BRCA2: variants seen among roughly 807,000 people sequenced by gnomAD.
The protein encoded by BRCA2 is BRCA2 DNA repair associated.
BRCA2 carries 203 observed loss-of-function variants against 276.7 expected under a neutral mutation model. The ratio of observed to expected loss-of-function variants is 0.73; its 90% CI spans 0.65 to 0.82. The LOEUF is 0.82. BRCA2 is among the 40% of genes least tolerant of loss of function. The pLI is 0.00. For synonymous variants in BRCA2, 1,289 were observed against 1,338.4 expected (o/e 0.96, Z 0.81); for missense variants, 3,920 against 3,915.0 (o/e 1.00, Z -0.03).
rs767686668 is a variant in BRCA2 at position 32,336,806 on chromosome 13, G to T, written c.2451G>T (p.Lys817Asn). The change falls in exon 11 of 27, where the codon AAG becomes AAT. Residue 817 changes from lysine to asparagine, a missense_variant. Lys to Asn is a moderately conservative substitution (Grantham distance 94, BLOSUM62 0). Around this residue, in one of 2 missense-constraint regions of BRCA2, gnomAD observed 3,263 missense variants for 3,156.9 expected, o/e 1.03. Coordinates refer to ENST00000380152, the MANE Select transcript of BRCA2 (RefSeq NM_000059.4). ...TAACCAAAAATATTCCCATGGAAAA[G>T]AATCAAGATGTATGTGCTTTAAATG... ...VELTKNIPME[K>N]NQDVCALNEN... is the part of the protein sequence containing the mutation. 2.5e-6 allele frequency: 4 copies of T among 1,606,692 alleles called. No homozygotes were observed. Among genetic ancestry groups the T allele is most frequent in the South Asian group, 1.1e-5 (1 of 89,254 alleles).
chr13:32,367,771 G>C (rs2072794422), intron 18 of BRCA2, among the ~76,000 whole-genome samples: 1 of 151,944 alleles, frequency 6.6e-6, no homozygotes, highest in Non-Finnish European at 1.5e-5. Context: ...CTTCAGCCTG[G>C]GTGACAGAGC....
At chr13:32,382,950 G>A (rs1003313053) in intron 24 of BRCA2, among the ~76,000 whole-genome samples, 1 of 152,194 alleles carries the variant, frequency 6.6e-6, no homozygotes, top group African/African-American at 2.4e-5. Context: ...AGTAAAGTAC[G>A]TAGGTATAGA....
chr13:32,335,468 G>A (rs1468265234), intron 10 of BRCA2, among the ~76,000 whole-genome samples: 3 of 151,872 alleles, frequency 2.0e-5, no homozygotes, highest in East Asian at 1.9e-4. Flanking sequence ...TGCCTTTATC[G>A]TTGAGATTAG....
chr13:32,317,744 C>G (rs779872631), intron 2 of BRCA2, among the ~76,000 whole-genome samples: 2 of 152,066 alleles, frequency 1.3e-5, no homozygotes, highest in Non-Finnish European at 2.9e-5. Context: ...TTTGAAAGTT[C>G]ACATTTTGTC....
intron 13 of BRCA2, among the ~76,000 whole-genome samples, chr13:32,347,432 A>T (rs2072619570): frequency 6.6e-6 from 1 of 152,202 alleles, no homozygotes. Flanking sequence ...GTACTTCTGA[A>T]GGTGAAGTAG....
At chr13:32,343,720 C>A (rs1048883718) in intron 11 of BRCA2, among the ~76,000 whole-genome samples, 1 of 150,656 alleles carries the variant, frequency 6.6e-6, no homozygotes, top group Non-Finnish European at 1.5e-5. Context: ...AAAAAAAAAA[C>A]AATAACTCAG....
At chr13:32,383,216 C>T (rs187039635) in intron 24 of BRCA2, among the ~76,000 whole-genome samples, 11 of 152,102 alleles carry the variant, frequency 7.2e-5, no homozygotes, top group Admixed American at 3.9e-4. Context: ...AAAAATTAGC[C>T]GGGTGTGGTG....
Position 32,338,501 on chromosome 13 carries a change from A to G in BRCA2, c.4146A>G (p.Glu1382=). The G allele has an allele frequency of 6.2e-7, 1 of 1,605,280 alleles. No individual in the cohort carries two copies. The highest frequency in any genetic ancestry group is 1.1e-5 in the South Asian group (1 of 88,298). ...AGGAGGGAAACACTCAGATTAAAGA[A>G]GATTTGTCAGATTTAACTTTTTTGG... ...FMKEGNTQIK[E]DLSDLTFLEV... is the part of the protein sequence containing the mutation. Residue 1382 remains glutamate, a synonymous_variant, in exon 11 of 27, where the codon GAA becomes GAG. Transcript: ENST00000380152.
At chr13:32,365,489 T>A (rs1049719291) in intron 18 of BRCA2, among the ~76,000 whole-genome samples, 1 of 152,122 alleles carries the variant, frequency 6.6e-6, no homozygotes, top group African/African-American at 2.4e-5. Context: ...CAAGTGATTC[T>A]CCTGTCTCAG....
chr13:32,395,960 CTT>C (rs397838402), intron 25 of BRCA2: 911 of 78,826 alleles, frequency 0.012, no homozygotes, highest in Middle Eastern at 0.045. Context: ...TTCTTTCTTT[CTT>C]TTTTTTTTTT....
rs1191600785 is a variant in BRCA2, at chr13:32,338,154, G to A, written c.3799G>A (p.Asp1267Asn). 1 of 1,596,040 alleles carries A rather than the reference G, an allele frequency of 6.3e-7. No homozygotes were observed. The highest frequency in any genetic ancestry group is 1.1e-5 in the South Asian group (1 of 87,454). Residue 1267 changes from aspartate to asparagine, a missense_variant, in exon 11 of 27, where the codon GAT (aspartate) becomes AAT (asparagine). Asp to Asn is a conservative substitution (Grantham distance 23). This residue lies in a region of BRCA2 where 3,263 missense variants were observed against 3,156.9 expected (regional missense o/e 1.03). Transcript: ENST00000380152. The stretch of plus-strand genomic sequence containing the variant: ...AAGTTTATCTTCAAGTAAATGTCAT[G>A]ATTCTGTTGTTTCAATGTTTAAGAT... ...PISLSSSKCH[D>N]SVVSMFKIEN...
At position 32,346,878 on chromosome 13, in the gene BRCA2, T is replaced by TTACCTGG; in HGVS notation, c.6995_6996insGTACCTG (p.Cys2332TrpfsTer10). 1 of 1,610,068 alleles carries TTACCTGG rather than the reference T, an allele frequency of 6.2e-7. No individual in the cohort carries two copies. The highest frequency in any genetic ancestry group is 8.5e-7 in the Non-Finnish European group (1 of 1,177,844). ...ATGCATCATGTTTCTTTAGAGCCGATTACCTGTGTACCCTTTCGGTAAGAC... is the reference window on the plus strand; with the variant it reads ...ATGCATCATGTTTCTTTAGAGCCGATTACCTGGTACCTGTGTACCCTTTCGGTAAGAC... On this transcript the variant is annotated frameshift_variant, in exon 13 of 27. Transcript: ENST00000380152. LOFTEE classifies it high-confidence loss of function.
At chr13:32,342,610 T>C (rs917121810) in intron 11 of BRCA2, among the ~76,000 whole-genome samples, 2 of 152,222 alleles carry the variant, frequency 1.3e-5, no homozygotes, top group East Asian at 3.8e-4. Context: ...ACTATATACC[T>C]AGGCTGTATG....
At chr13:32,318,307 AT>A (rs2072278199) in intron 2 of BRCA2, among the ~76,000 whole-genome samples, 1 of 152,150 alleles carries the variant, frequency 6.6e-6, no homozygotes. Context: ...CACAATACAA[AT>A]TTGTCATTTC....
rs778391123 is a variant in BRCA2 at position 32,362,656 on chromosome 13, C to T, written c.7939C>T (p.Leu2647=). Residue 2647 remains leucine, a synonymous_variant, in exon 17 of 27, where the codon CTA becomes TTA. Coordinates refer to ENST00000380152, the MANE Select transcript of BRCA2 (RefSeq NM_000059.4). ...AFPKEFANRC[L]SPERVLLQLK... ...TCCTAAGGAATTTGCTAATAGATGC[C>T]TAAGCCCAGAAAGGGTGCTTCTTCA... 14 of 1,614,158 alleles carry T rather than the reference C, an allele frequency of 8.7e-6. No individual in the cohort carries two copies. Among genetic ancestry groups the T allele is most frequent in the Non-Finnish European group, 1.2e-5 (14 of 1,180,030 alleles).
rs779228375 is a variant in BRCA2, at chr13:32,337,580, T to C, written c.3225T>C (p.Ser1075=). 1.8e-5 allele frequency: 29 copies of C among 1,599,536 alleles called. No homozygotes were observed. Among genetic ancestry groups the C allele is most frequent in the Admixed American group, 6.9e-5 (4 of 57,592 alleles). ...INTVSAHLQS[S]VVVSDCKNSH... is the part of the protein sequence containing the mutation. Reference sequence around the variant, plus strand: ...CTGTATCTGCACATTTACAGAGTAGTGTAGTTGTTTCTGATTGTAAAAATA... The same window carrying C: ...CTGTATCTGCACATTTACAGAGTAGCGTAGTTGTTTCTGATTGTAAAAATA... The change falls in exon 11 of 27, where the codon AGT becomes AGC. Residue 1075 remains serine (S), a synonymous_variant. Coordinates refer to ENST00000380152, the MANE Select transcript of BRCA2 (RefSeq NM_000059.4).
At chr13:32,321,404 C>A (rs2072305633) in intron 3 of BRCA2, among the ~76,000 whole-genome samples, 2 of 152,086 alleles carry the variant, frequency 1.3e-5, no homozygotes, top group South Asian at 4.1e-4. Flanking sequence ...AGAGCATGTA[C>A]CAAGTGCATG....
rs776992904 is a variant in BRCA2, at chr13:32,363,263, T to C, written c.8061T>C (p.Val2687=). The C allele has an allele frequency of 2.5e-5, 40 of 1,614,030 alleles. No homozygotes were observed. Among genetic ancestry groups the C allele is most frequent in the Non-Finnish European group, 3.3e-5 (39 of 1,180,008 alleles). ...ATGACACAGCTGCAAAAACACTTGT[T>C]CTCTGTGTTTCTGACATAATTTCAT... ...ERDDTAAKTL[V]LCVSDIISLS... Residue 2687 remains valine, a synonymous_variant, in exon 18 of 27, where the codon GTT becomes GTC. Transcript: ENST00000380152.
chr13:32,323,380 C>G (rs924950546), intron 3 of BRCA2, among the ~76,000 whole-genome samples: 1 of 152,132 alleles, frequency 6.6e-6, no homozygotes, highest in Non-Finnish European at 1.5e-5. Flanking sequence ...GTCTTGATCT[C>G]CTGACCTCGT....
Sources: gnomAD v4.1 joint callset for allele counts (sites outside exome capture counted in the v4.1 genomes callset) on GRCh38, gnomAD v4.1.1 for gene constraint, gnomAD v4.1.1 regional missense constraint, MANE v1.5 for transcripts, NCBI Gene and HGNC (gene_info 2026-07-23, HGNC 2026-07-21) for gene names.